Variants in SOX5 observed in about 807,000 individuals in gnomAD.
SOX5 encodes the protein transcription factor SOX-5.
In SOX5, 9 loss-of-function variants were observed where a neutral mutation model predicts 92.0. That is an observed-to-expected ratio of 0.10 (90% CI 0.06 to 0.17). The LOEUF is 0.17. Among genes scored for constraint, SOX5 ranks in the 10% least tolerant of loss-of-function variants. The pLI, the probability that SOX5 is intolerant of heterozygous loss-of-function variation, is 1.00. For synonymous variants in SOX5, 344 were observed against 336.3 expected, an observed-to-expected ratio of 1.02 and a Z score of -0.25; for missense variants, 642 against 944.5, an observed-to-expected ratio of 0.68 and a Z score of 4.20.
At chr12:23,973,984 C>A (rs1316460774) in intron 4 of SOX5, among the ~76,000 whole-genome samples, 1 of 152,166 alleles carries the variant, frequency 6.6e-6, no homozygotes, top group Non-Finnish European at 1.5e-5. Context: ...CAACACTGGT[C>A]CCTGGTGCCA....
rs1054603002 is a variant in SOX5, at chr12:23,794,239, T to A, written c.482-38515A>T. On this transcript the variant is annotated intron_variant, in intron 3 of 14. Coordinates refer to ENST00000451604, the MANE Select transcript of SOX5 (RefSeq NM_006940.6). ...TAGTGAACAGAAAAATAAGTATTTA[T>A]ACGCATATTTACCTAATACTTATTT... is the stretch of plus-strand genomic sequence containing the variant. Among the ~76,000 whole-genome samples, 3 of 149,748 alleles carry A rather than the reference T, an allele frequency of 2.0e-5. No individual in the cohort carries two copies. The East Asian group carries it at 6.1e-4, about 31-fold the overall frequency.
rs1367153625 is a variant in SOX5 at position 23,534,230 on chromosome 12, G to T, written c.2281C>A (p.Gln761Lys). The change falls in exon 15 of 15, where the codon CAA becomes AAA. Residue 761 changes from glutamine to lysine, a missense_variant. Transcript: ENST00000451604. ...TCTTTTGACCCTTATCAGTTGGCTT[G>T]TCCTGCAATATGGTTTTCACTGTCA... ...GSDSENHIAG[Q>K]AN 1 of 1,613,748 alleles carries T rather than the reference G, an allele frequency of 6.2e-7. No homozygotes were observed.
rs2097456873 is a variant in SOX5, at chr12:23,919,440, C to T, written c.39-23416G>A. Among the ~76,000 whole-genome samples, 6 of 152,176 alleles carry T rather than the reference C, an allele frequency of 3.9e-5. No individual in the cohort carries two copies. The South Asian group carries it at 1.2e-3, about 31-fold the overall frequency. On this transcript the variant is annotated intron_variant, in intron 1 of 14. Coordinates refer to ENST00000451604, the MANE Select transcript of SOX5 (RefSeq NM_006940.6). Reference sequence around the variant, plus strand: ...CAATATTAGAACTATCTCAAAATATCTTGGTATTTGTTGTCACTTCAGCCA... The same window carrying T: ...CAATATTAGAACTATCTCAAAATATTTTGGTATTTGTTGTCACTTCAGCCA...
intron 6 of SOX5, among the ~76,000 whole-genome samples, chr12:23,693,957 G>A (rs375267331): frequency 2.1e-4 from 32 of 152,040 alleles, no homozygotes; most frequent in African/African-American, 6.0e-4. Flanking sequence ...AAAGATATCC[G>A]TAAAGTTGTT....
chr12:23,566,936 A>G (rs1480508682), intron 10 of SOX5, among the ~76,000 whole-genome samples: 1 of 152,216 alleles, frequency 6.6e-6, no homozygotes, highest in Non-Finnish European at 1.5e-5. Context: ...TAACTACAAA[A>G]TGAAGGTAAA....
At chr12:24,249,060 T>C (rs1939493368) in intron 3 of SOX5, among the ~76,000 whole-genome samples, 1 of 152,220 alleles carries the variant, frequency 6.6e-6, no homozygotes, top group Non-Finnish European at 1.5e-5. Context: ...CCCACACCAC[T>C]GATCAGCTCT....
chr12:24,238,557 A>AT (rs1964967211), intron 3 of SOX5, among the ~76,000 whole-genome samples: 1 of 152,084 alleles, frequency 6.6e-6, no homozygotes, highest in Admixed American at 6.6e-5. Context: ...GGGTTTTGCC[A>AT]TGTTGCCCAG....
At chr12:23,717,971 C>A (rs1263722086) in intron 6 of SOX5, among the ~76,000 whole-genome samples, 1 of 151,920 alleles carries the variant, frequency 6.6e-6, no homozygotes, top group Non-Finnish European at 1.5e-5. Flanking sequence ...TAATGTTTGC[C>A]TTATTGCCTA....
At chr12:24,149,651 C>A (rs1307593489) in intron 4 of SOX5, among the ~76,000 whole-genome samples, 1 of 152,142 alleles carries the variant, frequency 6.6e-6, no homozygotes, top group Non-Finnish European at 1.5e-5. Context: ...ATGATCCAGT[C>A]ATTCCCATTC....
chr12:24,058,785 G>A (rs12814500), intron 4 of SOX5, among the ~76,000 whole-genome samples: 39,240 of 151,418 alleles, frequency 0.26, 5,504 homozygotes, highest in Middle Eastern at 0.39. Flanking sequence ...TAATAAGCCT[G>A]TTAGTAAGTA....
intron 1 of SOX5, among the ~76,000 whole-genome samples, chr12:23,899,641 G>C (rs1378022315): frequency 6.6e-6 from 1 of 152,160 alleles, no homozygotes; most frequent in African/African-American, 2.4e-5. Context: ...AATCTAATGT[G>C]AAACTGCCTT....
At chr12:24,431,940 T>C (rs1196695347) in intron 1 of SOX5, among the ~76,000 whole-genome samples, 2 of 152,020 alleles carry the variant, frequency 1.3e-5, no homozygotes, top group Admixed American at 6.6e-5. Flanking sequence ...GAAGAAGCAT[T>C]TTAGGGAGTT....
chr12:24,422,504 T>C (rs1039324216), intron 1 of SOX5, among the ~76,000 whole-genome samples: 8 of 152,160 alleles, frequency 5.3e-5, no homozygotes, highest in African/African-American at 1.9e-4. Flanking sequence ...GTAAGATAAC[T>C]GATCTGCAGA....
At chr12:23,823,343 G>T (rs2096162215) in intron 3 of SOX5, among the ~76,000 whole-genome samples, 2 of 152,268 alleles carry the variant, frequency 1.3e-5, no homozygotes, top group South Asian at 4.1e-4. Flanking sequence ...TTGCTTGTCT[G>T]TAAAGGATTT....
intron 1 of SOX5, among the ~76,000 whole-genome samples, chr12:24,553,432 C>G (rs1953416956): frequency 6.6e-6 from 1 of 152,180 alleles, no homozygotes; most frequent in Admixed American, 6.5e-5. Context: ...GTTCGTTTTC[C>G]TACTTCCCCA....
intron 1 of SOX5, among the ~76,000 whole-genome samples, chr12:24,435,676 G>T (rs1939274901): frequency 6.6e-6 from 1 of 152,192 alleles, no homozygotes; most frequent in African/African-American, 2.4e-5. Context: ...AAGTGAATGA[G>T]AAGATCACAA....
At position 23,786,802 on chromosome 12, in the gene SOX5, T is replaced by A. The variant is rs1189238510; in HGVS notation, c.482-31078A>T. Among the ~76,000 whole-genome samples, 59 of 146,018 alleles carry A rather than the reference T, an allele frequency of 4.0e-4. 5 individuals carry two copies. The highest frequency in any genetic ancestry group is 4.7e-4 in the Admixed American group (7 of 14,946). On this transcript the variant is annotated intron_variant, in intron 3 of 14. Coordinates refer to ENST00000451604, the MANE Select transcript of SOX5 (RefSeq NM_006940.6). ...GATTTGACTTGTATCAGCTAGGCAA[T>A]GACCAGCATCACTGATTTTGGAGAA...
intron 6 of SOX5, among the ~76,000 whole-genome samples, chr12:23,689,171 T>C (rs904468499): frequency 1.3e-5 from 2 of 152,098 alleles, no homozygotes; most frequent in Non-Finnish European, 2.9e-5. Context: ...GCTTAAGTCG[T>C]CTTTGTTTTC....
intron 4 of SOX5, among the ~76,000 whole-genome samples, chr12:24,025,600 C>G (rs1954792723): frequency 6.6e-6 from 1 of 151,960 alleles, no homozygotes; most frequent in Non-Finnish European, 1.5e-5. Flanking sequence ...ACTCTCTACC[C>G]CTATCTAGTG....
Sources: gnomAD v4.1 joint callset for allele counts (sites outside exome capture counted in the v4.1 genomes callset) on GRCh38, gnomAD v4.1.1 for gene constraint, MANE v1.5 for transcripts, NCBI Gene and HGNC (gene_info 2026-07-23, HGNC 2026-07-21) for gene names.